KDM5C: variants seen among roughly 807,000 people sequenced by gnomAD.
KDM5C encodes the protein lysine-specific demethylase 5C.
In KDM5C, 16 loss-of-function variants were observed where a neutral mutation model predicts 110.6. That is an observed-to-expected ratio of 0.14 (90% CI 0.10 to 0.22). The LOEUF is 0.22. Ranked by LOEUF, KDM5C falls within the 10% of genes least tolerant of loss-of-function variation. The pLI is 1.00. For synonymous variants in KDM5C, 511 were observed against 520.4 expected (o/e 0.98, Z 0.24); for missense variants, 681 against 1,300.9 (o/e 0.52, Z 7.33).
chrX:53,223,040 A>C (rs901720600), intron 1 of KDM5C, among the ~76,000 whole-genome samples: 3 of 112,116 alleles, frequency 2.7e-5, no homozygotes, highest in African/African-American at 9.7e-5. Context: ...ATTAGAGAGA[A>C]GCACACTGTT....
intron 1 of KDM5C, 146 bp downstream of exon 1, chrX:53,224,594 C>T (rs1036422079): frequency 6.8e-6 from 5 of 734,853 alleles, no homozygotes; most frequent in Middle Eastern, 4.4e-4. Context: ...GGCCCAACAC[C>T]CTTTTTCCGA....
At chrX:53,176,414 G>C (rs1933885166) in exon 26 of KDM5C, among the ~76,000 whole-genome samples, 1 of 112,208 alleles carries the variant, frequency 8.9e-6, no homozygotes, top group Non-Finnish European at 1.9e-5. Flanking sequence ...TTAGGGAGGA[G>C]TAAGGAAGAG....
chrX:53,185,428 C>T (rs782513714), intron 25 of KDM5C, among the ~76,000 whole-genome samples: 5 of 112,494 alleles, frequency 4.4e-5, no homozygotes, highest in African/African-American at 6.5e-5. Context: ...TTATTAACAC[C>T]TGTTTTGGAA....
chrX:53,203,747 T>C (rs181653794), intron 12 of KDM5C, among the ~76,000 whole-genome samples: 6 of 109,564 alleles, frequency 5.5e-5, no homozygotes, highest in Admixed American at 2.0e-4. Context: ...TTTTGGGGGA[T>C]TTTTTAGGGT....
At chrX:53,208,805 CTTTTTTTTTT>C (rs782216325) in intron 12 of KDM5C, among the ~76,000 whole-genome samples, 277 of 22,170 alleles carry the variant, frequency 0.012, 2 homozygotes, top group African/African-American at 0.053. Context: ...ACACCCGGCT[CTTTTTTTTTT>C]TTTTTTTTTT....
At position 53,192,998 on chromosome X, in the gene KDM5C, C is replaced by T. The variant is rs2146810827; in HGVS notation, c.4652G>A (p.Cys1551Tyr). 3 of 1,182,417 alleles carry T rather than the reference C, an allele frequency of 2.5e-6. No individual in the cohort carries two copies. Among genetic ancestry groups the T allele is most frequent in the South Asian group, 1.9e-5 (1 of 52,034 alleles). The change falls in exon 26 of 26, where the codon TGC (cysteine) becomes TAC (tyrosine). Residue 1551 changes from cysteine (C) to tyrosine (Y), a missense_variant. Physicochemically the swap from Cys to Tyr is radical, Grantham distance 194. This residue lies in a region of KDM5C where 115 missense variants were observed against 120.9 expected (regional missense o/e 0.95). Coordinates refer to ENST00000375401, the MANE Select transcript of KDM5C (RefSeq NM_004187.5). ...STLTPRLHLPCPQQPPQQQL is the reference protein window; with the variant it reads ...STLTPRLHLPYPQQPPQQQL ...CTGTTGCTGAGGCGGCTGCTGTGGG[C>T]AGGGCAGATGCAGCCGGGGAGTCAG...
Position 53,177,025 on chromosome X carries a change from G to A in KDM5C, c.4309-403C>T, listed in dbSNP as rs957306435. 5.4e-5 allele frequency among the ~76,000 whole-genome samples: 6 copies of A among 111,799 alleles called. No homozygotes were observed. The East Asian group carries it at 1.7e-3, about 31-fold the overall frequency. On this transcript the variant is annotated intron_variant, in intron 25 of 25. Transcript: ENST00000685641. The stretch of plus-strand genomic sequence containing the variant: ...GCACTTTGTGAGGCCAAGATGGAAG[G>A]ATCACTTGAGGCTGGAAGTTAGAGA...
At chrX:53,211,460 C>T in intron 10 of KDM5C, 37 bp downstream of exon 10, 1 of 1,197,579 alleles carries the variant, frequency 8.4e-7, no homozygotes, top group South Asian at 1.8e-5. Flanking sequence ...TGCCTAAGCT[C>T]ACACAGCTGA....
chrX:53,199,841 G>A (rs186261308), intron 14 of KDM5C, among the ~76,000 whole-genome samples: 42 of 111,628 alleles, frequency 3.8e-4, no homozygotes, highest in Non-Finnish European at 6.4e-4. Context: ...CAATTTTAGG[G>A]ATTTTAATGG....
intron 12 of KDM5C, among the ~76,000 whole-genome samples, chrX:53,208,364 TA>T (rs1340543569): frequency 9.5e-6 from 1 of 105,476 alleles, no homozygotes; most frequent in Non-Finnish European, 1.9e-5. Context: ...CGGTAAGGAC[TA>T]AACAGCTCCA....
At chrX:53,198,693 A>C (rs1303761773) in intron 16 of KDM5C, 56 bp from the exon 17 acceptor site, 14 of 1,209,368 alleles carry the variant, frequency 1.2e-5, no homozygotes, top group Non-Finnish European at 1.6e-5. Context: ...AGGCAGAGGA[A>C]GGGGGTCAGA....
In KDM5C at chrX:53,183,262, C is replaced by CAA. The variant is rs3045214; in HGVS notation, c.4309-6642_4309-6641dup. On this transcript the variant is annotated intron_variant, in intron 25 of 25. Transcript: ENST00000685641. ...GCAACAGAGTGAGACCCTGTCTCTA[C>CAA]AAAAAAAAAAAAAAAAAAAAAAAAT... is the stretch of plus-strand genomic sequence containing the variant. Among the ~76,000 whole-genome samples, 56 of 43,501 alleles carry CAA rather than the reference C, an allele frequency of 1.3e-3. 1 individual carries two copies. Among genetic ancestry groups the CAA allele is most frequent in the African/African-American group, 4.4e-3 (47 of 10,764 alleles). The allele number at this position is 43,501 out of a possible 115,157, so 37.8% of individuals were successfully genotyped here.
At chrX:53,196,201 A>G in intron 19 of KDM5C, 147 bp from the exon 20 acceptor site, 2 of 649,557 alleles carry the variant, frequency 3.1e-6, no homozygotes, top group Non-Finnish European at 4.8e-6. Flanking sequence ...ATTCCACCTA[A>G]GGGTAGCTGC....
At position 53,199,157 on chromosome X, in the gene KDM5C, C is replaced by T. The variant is rs1556840298; in HGVS notation, c.2063G>A (p.Gly688Asp). ...RRLRKALLEK[G>D]ITEAEREAFE... ...AGCCTCTCGCTCAGCCTCTGTGATA[C>T]CCTAAGGGCATTTAACCTATGCGTT... is the stretch of plus-strand genomic sequence containing the variant. Residue 688 changes from glycine to aspartate, a missense_variant and splice_region_variant, in exon 15 of 26, where the codon GGT (glycine) becomes GAT (aspartate). Transcript: ENST00000375401. 8.3e-7 allele frequency: 1 copy of T among 1,211,080 alleles called. No individual in the cohort carries two copies. The highest frequency in any genetic ancestry group is 3.0e-5 in the East Asian group (1 of 33,855).
chrX:53,211,773 C>A lies in KDM5C; in HGVS notation c.1242+14G>T. On this transcript the variant is annotated intron_variant, in intron 9 of 25. Coordinates refer to ENST00000375401, the MANE Select transcript of KDM5C (RefSeq NM_004187.5). ...GATCCTAGCCCAACACTACCTCAGC[C>A]CTCCATCACCTACATGCACGGGCAT... 8.3e-7 allele frequency: 1 copy of A among 1,211,349 alleles called. No individual in the cohort carries two copies. The highest frequency in any genetic ancestry group is 1.1e-6 in the Non-Finnish European group (1 of 895,088).
At chrX:53,195,499 C>T in intron 20 of KDM5C, 89 bp from the exon 21 acceptor site, 1 of 905,545 alleles carries the variant, frequency 1.1e-6, no homozygotes, top group African/African-American at 1.9e-5. Flanking sequence ...GAAAGATGAA[C>T]TGGGCTCAGT....
At chrX:53,221,651 G>A (rs1458686502) in intron 1 of KDM5C, 3 of 751,804 alleles carry the variant, frequency 4.0e-6, no homozygotes, top group Non-Finnish European at 5.5e-6. Flanking sequence ...CTGCAGGGAA[G>A]AGCAAGGAAC....
intron 12 of KDM5C, among the ~76,000 whole-genome samples, chrX:53,207,621 T>C (rs1161687217): frequency 8.9e-6 from 1 of 112,248 alleles, no homozygotes; most frequent in Non-Finnish European, 1.9e-5. Flanking sequence ...ACTTTCTGTT[T>C]TCCATCTTCT....
rs2146812161 is a variant in KDM5C, at chrX:53,193,145, G to C, written c.4505C>G (p.Thr1502Ser). The change falls in exon 26 of 26, where the codon ACT (threonine) becomes AGT (serine). Residue 1502 changes from threonine (T) to serine (S), a missense_variant. By Grantham distance (58) the Thr-to-Ser change is moderately conservative. Around this residue, in one of 14 missense-constraint regions of KDM5C, gnomAD observed 115 missense variants for 120.9 expected, o/e 0.95. Transcript: ENST00000375401. ...VQEEEELEEE[T>S]GGEGPPAPIP... ...GGGTGCAGGGGGGCCCTCACCCCCAGTCTCCTCCTCCAGCTCTTCCTCCTC... is the reference window on the plus strand; with the variant it reads ...GGGTGCAGGGGGGCCCTCACCCCCACTCTCCTCCTCCAGCTCTTCCTCCTC... The C allele has an allele frequency of 8.3e-7, 1 of 1,210,786 alleles. No individual in the cohort carries two copies. Among genetic ancestry groups the C allele is most frequent in the South Asian group, 1.8e-5 (1 of 56,932 alleles).
Sources: allele counts gnomAD v4.1 joint callset (sites outside exome capture counted in the v4.1 genomes callset), GRCh38; gene constraint gnomAD v4.1.1; regional missense constraint gnomAD v4.1.1; transcripts MANE v1.5; gene names NCBI Gene and HGNC (gene_info 2026-07-23, HGNC 2026-07-21).